Variants in ZNF385D observed in about 807,000 individuals in gnomAD.
ZNF385D encodes the protein zinc finger protein 659.
Under a neutral mutation model 35.8 loss-of-function variants are expected in ZNF385D, and 15 were observed. The ratio of observed to expected loss-of-function variants is 0.42; its 90% confidence interval spans 0.28 to 0.64. The LOEUF (loss-of-function observed/expected upper bound fraction) is 0.64, where lower values mean the gene tolerates loss of function less well. Among genes scored for constraint, ZNF385D ranks in the 30% least tolerant of loss-of-function variants. The pLI, the probability that ZNF385D is intolerant of heterozygous loss-of-function variation, is 0.23. For missense variants in ZNF385D, 474 were observed against 494.6 expected (o/e 0.96, Z 0.39); for synonymous variants, 212 against 186.8 (o/e 1.13, Z -1.10).
chr3:21,424,236 A>AT (rs1700877822), intron 6 of ZNF385D, among the ~76,000 whole-genome samples, 172 bp from the exon 7 acceptor site: 1 of 122,018 alleles, frequency 8.2e-6, no homozygotes, highest in South Asian at 3.0e-4. Context: ...GAGGATATAT[A>AT]TTTTTATGCT....
At chr3:21,555,354 T>C (rs559879478) in intron 3 of ZNF385D, among the ~76,000 whole-genome samples, 1 of 152,192 alleles carries the variant, frequency 6.6e-6, no homozygotes, top group Admixed American at 6.5e-5. Flanking sequence ...CTCCTAATGC[T>C]ATCCCTCCCC....
At chr3:21,660,771 G>A (rs537900540) in intron 2 of ZNF385D, among the ~76,000 whole-genome samples, 8 of 152,146 alleles carry the variant, frequency 5.3e-5, no homozygotes, top group African/African-American at 9.7e-5. Flanking sequence ...ACAAACCTAA[G>A]AGTCTGGGCT....
intron 3 of ZNF385D, among the ~76,000 whole-genome samples, chr3:22,113,560 G>A (rs1043195894): frequency 6.6e-6 from 1 of 152,038 alleles, no homozygotes; most frequent in African/African-American, 2.4e-5. Context: ...GTTTCATAAA[G>A]AACTTTTGGG....
At chr3:21,846,225 G>T (rs963986129) in intron 3 of ZNF385D, among the ~76,000 whole-genome samples, 5 of 151,976 alleles carry the variant, frequency 3.3e-5, no homozygotes, top group African/African-American at 1.2e-4. Flanking sequence ...TTTGAAAGGT[G>T]ATTCTGTTTG....
intron 4 of ZNF385D, among the ~76,000 whole-genome samples, chr3:21,456,296 T>C (rs1391293326): frequency 6.6e-6 from 1 of 152,232 alleles, no homozygotes; most frequent in East Asian, 1.9e-4. Flanking sequence ...TGTATGTTTA[T>C]TGTGGCACTA....
At chr3:22,247,815 G>C (rs529093373) in intron 2 of ZNF385D, among the ~76,000 whole-genome samples, 1 of 151,956 alleles carries the variant, frequency 6.6e-6, no homozygotes, top group South Asian at 2.1e-4. Flanking sequence ...ATGTTGGCCA[G>C]GATGGTGTTC....
chr3:21,696,990 T>TTA (rs1345043963), intron 1 of ZNF385D, among the ~76,000 whole-genome samples: 2 of 152,172 alleles, frequency 1.3e-5, no homozygotes, highest in Admixed American at 6.5e-5. Flanking sequence ...AAGTAACAGT[T>TTA]TATATATCAT....
intron 3 of ZNF385D, among the ~76,000 whole-genome samples, chr3:22,167,343 C>T (rs531311045): frequency 6.6e-6 from 1 of 152,200 alleles, no homozygotes; most frequent in Non-Finnish European, 1.5e-5. Flanking sequence ...CTCTCCTATT[C>T]TGAGCCCATA....
intron 2 of ZNF385D, among the ~76,000 whole-genome samples, chr3:22,282,469 A>G (rs1575030371): frequency 6.6e-6 from 1 of 152,016 alleles, no homozygotes; most frequent in East Asian, 1.9e-4. Context: ...TTAAATTTCC[A>G]TCTTGTTTTC....
chr3:21,422,421 G>C (rs576334142), intron 7 of ZNF385D, among the ~76,000 whole-genome samples: 1 of 152,268 alleles, frequency 6.6e-6, no homozygotes, highest in Non-Finnish European at 1.5e-5. Context: ...AGGTAAATTT[G>C]TGTCATGCCT....
chr3:22,158,659 C>A (rs1010502461), intron 3 of ZNF385D, among the ~76,000 whole-genome samples: 2 of 151,150 alleles, frequency 1.3e-5, no homozygotes, highest in Admixed American at 6.6e-5. Context: ...ATCTGTAATA[C>A]CATCTTACAC....
chr3:22,036,967 GTTTT>G (rs1368191700), intron 3 of ZNF385D, among the ~76,000 whole-genome samples: 1 of 149,614 alleles, frequency 6.7e-6, no homozygotes, highest in South Asian at 2.1e-4. Context: ...GTGGTGTTTG[GTTTT>G]TTGTCCCTGT....
chr3:22,353,221 A>G (rs1324985464), intron 2 of ZNF385D, among the ~76,000 whole-genome samples: 1 of 152,120 alleles, frequency 6.6e-6, no homozygotes, highest in Non-Finnish European at 1.5e-5. Flanking sequence ...CATTCAGTGT[A>G]GGTCCCCCTA....
At chr3:22,234,121 C>A (rs116916931) in intron 2 of ZNF385D, among the ~76,000 whole-genome samples, 2 of 152,188 alleles carry the variant, frequency 1.3e-5, no homozygotes, top group East Asian at 3.9e-4. Flanking sequence ...AACAAACCAC[C>A]ACTAGGTAAG....
intron 3 of ZNF385D, among the ~76,000 whole-genome samples, chr3:21,986,609 AGGTGT>A (rs1045552668): frequency 3.4e-5 from 5 of 148,858 alleles, no homozygotes; most frequent in African/African-American, 1.0e-4. Context: ...ATTTTGGAAT[AGGTGT>A]GGTGTGGTGC....
intron 1 of ZNF385D, among the ~76,000 whole-genome samples, chr3:21,690,576 C>T (rs2067248330): frequency 6.6e-6 from 1 of 152,190 alleles, no homozygotes; most frequent in Non-Finnish European, 1.5e-5. Flanking sequence ...ACAATGTTGG[C>T]ATCTAAACAG....
intron 3 of ZNF385D, among the ~76,000 whole-genome samples, chr3:21,857,312 A>G (rs1359825782): frequency 6.6e-6 from 1 of 152,104 alleles, no homozygotes; most frequent in African/African-American, 2.4e-5. Context: ...AAAGAGGGCA[A>G]GGTTTCTTGA....
At chr3:21,570,297 A>C (rs1039518171) in intron 2 of ZNF385D, among the ~76,000 whole-genome samples, 4 of 151,818 alleles carry the variant, frequency 2.6e-5, no homozygotes, top group Admixed American at 6.6e-5. Flanking sequence ...GTTTTCCCTC[A>C]CCTCCCCTCT....
intron 1 of ZNF385D, among the ~76,000 whole-genome samples, chr3:21,719,507 C>T (rs1281034115): frequency 6.6e-6 from 1 of 152,114 alleles, no homozygotes; most frequent in Admixed American, 6.6e-5. Context: ...TTAATTTTAC[C>T]GATCCTCAAA....
Sources: allele counts gnomAD v4.1 joint callset (sites outside exome capture counted in the v4.1 genomes callset), GRCh38; gene constraint gnomAD v4.1.1; transcripts MANE v1.5; gene names NCBI Gene and HGNC (gene_info 2026-07-23, HGNC 2026-07-21).